MRTFA: variants seen among roughly 807,000 people sequenced by gnomAD.
MRTFA encodes the protein myocardin related transcription factor A, also known as myocardin-related transcription factor A.
In MRTFA, 20 loss-of-function variants were observed where a neutral mutation model predicts 83.5. The observed-to-expected ratio is 0.24, with a 90% CI of 0.17 to 0.35. The LOEUF is 0.35. Ranked by LOEUF, MRTFA falls within the 10% of genes least tolerant of loss-of-function variation. The probability of loss-of-function intolerance (pLI) is 1.00; values close to 1 mark genes in which losing one functional copy is unlikely to be tolerated. For missense variants in MRTFA, 1,200 were observed against 1,224.7 expected (o/e 0.98, Z 0.30); for synonymous variants, 659 against 541.2 (o/e 1.22, Z -3.02).
At chr22:40,559,370 G>A (rs1242307303) in intron 2 of MRTFA, among the ~76,000 whole-genome samples, 4 of 152,074 alleles carry the variant, frequency 2.6e-5, no homozygotes, top group African/African-American at 9.7e-5. Flanking sequence ...CCTGGGCAAC[G>A]AAGTGATACC....
intron 4 of MRTFA, among the ~76,000 whole-genome samples, chr22:40,461,247 C>T (rs2053706777): frequency 6.7e-6 from 1 of 148,564 alleles, no homozygotes; most frequent in Non-Finnish European, 1.5e-5. Flanking sequence ...AAGAAATAGA[C>T]CCCAGGCTTC....
intron 7 of MRTFA, among the ~76,000 whole-genome samples, chr22:40,426,396 T>A (rs965815462): frequency 6.6e-6 from 1 of 152,118 alleles, no homozygotes; most frequent in Admixed American, 6.5e-5. Context: ...AAATCCCTCC[T>A]TAAGCCAGCA....
intron 2 of MRTFA, among the ~76,000 whole-genome samples, chr22:40,581,072 C>T (rs1387911383): frequency 1.3e-5 from 2 of 152,080 alleles, no homozygotes; most frequent in Admixed American, 1.3e-4. Context: ...CCACCTCAGC[C>T]TCAGTGCTGG....
chr22:40,627,506 A>G (rs2056595546), intron 1 of MRTFA, among the ~76,000 whole-genome samples: 1 of 152,224 alleles, frequency 6.6e-6, no homozygotes, highest in African/African-American at 2.4e-5. Context: ...CATATAATGA[A>G]TACCGCACAG....
chr22:40,592,061 G>A (rs948238192), intron 2 of MRTFA, among the ~76,000 whole-genome samples: 3 of 152,138 alleles, frequency 2.0e-5, no homozygotes, highest in Non-Finnish European at 4.4e-5. Flanking sequence ...AAGACATAGA[G>A]ATGGTATCTC....
rs55885079 is a variant in MRTFA at position 40,459,830 on chromosome 22, CATATATATAT to C, written c.307+3381_307+3390del. On this transcript the variant is annotated intron_variant, in intron 4 of 14. Coordinates refer to ENST00000355630, the MANE Select transcript of MRTFA (RefSeq NM_020831.6). ...ACACACACACACACACACATATATA[CATATATATAT>C]ATATATATATATATATATATATACA... 3.2e-3 allele frequency among the ~76,000 whole-genome samples: 275 copies of C among 86,952 alleles called. 10 individuals are homozygous for C. Among genetic ancestry groups the C allele is most frequent in the African/African-American group, 0.011 (224 of 20,448 alleles). 57.0% of individuals were successfully genotyped at this position (86,952 alleles called of 152,430 possible). A position where few individuals can be genotyped will look rare whatever the true frequency, so the allele number is the denominator to read the frequency against.
chr22:40,525,955 A>G (rs2054963730), intron 3 of MRTFA, among the ~76,000 whole-genome samples: 1 of 152,224 alleles, frequency 6.6e-6, no homozygotes, highest in Non-Finnish European at 1.5e-5. Flanking sequence ...GGTATGAAGG[A>G]AAATAAAAGC....
At chr22:40,580,388 G>A (rs1739961719) in intron 2 of MRTFA, among the ~76,000 whole-genome samples, 1 of 151,958 alleles carries the variant, frequency 6.6e-6, no homozygotes, top group African/African-American at 2.4e-5. Flanking sequence ...TTGTAGAGAT[G>A]AGGTCTTGCT....
intron 2 of MRTFA, among the ~76,000 whole-genome samples, chr22:40,577,235 T>TA (rs760829183): frequency 0.05 from 3,229 of 64,144 alleles, 75 homozygotes; most frequent in Admixed American, 0.093. Flanking sequence ...GACCCTTGTC[T>TA]AAAAAAAAAA....
chr22:40,535,372 G>A (rs1446569335), intron 3 of MRTFA, among the ~76,000 whole-genome samples: 2 of 18,042 alleles, frequency 1.1e-4, no homozygotes, highest in African/African-American at 4.8e-4. Context: ...TTTTCTTTTT[G>A]AGACTAGGTC....
At chr22:40,517,081 C>T (rs2054774034) in intron 3 of MRTFA, among the ~76,000 whole-genome samples, 1 of 152,018 alleles carries the variant, frequency 6.6e-6, no homozygotes, top group Non-Finnish European at 1.5e-5. Context: ...CACTGCCACG[C>T]CTGGCTAATT....
At chr22:40,636,246 G>A (rs957802128) in intron 1 of MRTFA, among the ~76,000 whole-genome samples, 2 of 152,110 alleles carry the variant, frequency 1.3e-5, no homozygotes, top group African/African-American at 4.8e-5. Flanking sequence ...GCACGACCGC[G>A]CCCGCCCGCC....
intron 5 of MRTFA, among the ~76,000 whole-genome samples, chr22:40,434,380 TAA>T (rs113759032): frequency 9.8e-5 from 13 of 132,968 alleles, no homozygotes; most frequent in East Asian, 2.1e-4. Flanking sequence ...AAAGAAAGTT[TAA>T]AAAAAAAAAA....
intron 7 of MRTFA, among the ~76,000 whole-genome samples, chr22:40,424,624 C>A (rs1393951543): frequency 6.6e-6 from 1 of 152,204 alleles, no homozygotes; most frequent in Non-Finnish European, 1.5e-5. Context: ...ACCTCATGGG[C>A]CGAGCAAACG....
At chr22:40,472,345 A>C (rs775092631) in intron 3 of MRTFA, among the ~76,000 whole-genome samples, 1 of 152,230 alleles carries the variant, frequency 6.6e-6, no homozygotes, top group Non-Finnish European at 1.5e-5. Flanking sequence ...CATGTTCGTG[A>C]TGCCAATGAT....
At chr22:40,474,527 T>C (rs1273975730) in intron 3 of MRTFA, among the ~76,000 whole-genome samples, 1 of 152,234 alleles carries the variant, frequency 6.6e-6, no homozygotes, top group African/African-American at 2.4e-5. Flanking sequence ...GTTCATGTAC[T>C]AGTTGGTCAG....
chr22:40,588,374 A>C (rs1435366330), intron 2 of MRTFA, among the ~76,000 whole-genome samples: 2 of 152,132 alleles, frequency 1.3e-5, no homozygotes, highest in Non-Finnish European at 2.9e-5. Context: ...CTGATTTACC[A>C]AAGTATTTAG....
intron 3 of MRTFA, among the ~76,000 whole-genome samples, chr22:40,521,569 G>C (rs2054867466): frequency 6.6e-6 from 1 of 152,026 alleles, no homozygotes; most frequent in Non-Finnish European, 1.5e-5. Context: ...TGCAATCTTG[G>C]CTCACTGCAA....
chr22:40,620,217 C>T (rs1380073865), intron 1 of MRTFA, among the ~76,000 whole-genome samples: 1 of 151,596 alleles, frequency 6.6e-6, no homozygotes, highest in African/African-American at 2.4e-5. Context: ...CCTCCACCTC[C>T]TAGGTTCAAG....
Sources: allele counts gnomAD v4.1 joint callset (sites outside exome capture counted in the v4.1 genomes callset), GRCh38; gene constraint gnomAD v4.1.1; transcripts MANE v1.5; gene names NCBI Gene and HGNC (gene_info 2026-07-23, HGNC 2026-07-21).